ZDHHC2: variants seen among roughly 807,000 people sequenced by gnomAD.
ZDHHC2 encodes zDHHC palmitoyltransferase 2, also known as palmitoyltransferase ZDHHC2.
In ZDHHC2, 51 loss-of-function variants were observed where a neutral mutation model predicts 55.6. That is an observed-to-expected ratio of 0.92 (90% CI 0.73 to 1.16). The LOEUF is 1.16. ZDHHC2 is among the 50% of genes most tolerant of loss of function. ZDHHC2 has a pLI of 0.00. For synonymous variants in ZDHHC2, 199 were observed against 152.9 expected (o/e 1.30, Z -2.22); for missense variants, 491 against 442.4 (o/e 1.11, Z -0.99).
intron 6 of ZDHHC2, among the ~76,000 whole-genome samples, chr8:17,199,562 T>TTTG (rs1806577879): frequency 5.0e-5 from 4 of 80,680 alleles, no homozygotes; most frequent in Non-Finnish European, 1.0e-4. Context: ...CGTCTTCGTC[T>TTTG]TCTTCGTCTT....
At position 17,159,348 on chromosome 8, in the gene ZDHHC2, G is replaced by A. The variant is rs145205564; in HGVS notation, c.130+2495G>A. On this transcript the variant is annotated intron_variant, in intron 1 of 12. Transcript: ENST00000262096. ...GCCAAGGTTGGGACCAGAGTGTGGG[G>A]GTCGAGGGCTGGGAACTGGATCAGG... is the stretch of plus-strand genomic sequence containing the variant. Among the ~76,000 whole-genome samples, 1,238 of 152,272 alleles carry A rather than the reference G, an allele frequency of 8.1e-3. 15 individuals are homozygous for A. Among genetic ancestry groups the A allele is most frequent in the African/African-American group, 0.029 (1,208 of 41,548 alleles).
intron 6 of ZDHHC2, among the ~76,000 whole-genome samples, chr8:17,199,493 C>A (rs1231000116): frequency 5.4e-5 from 2 of 37,348 alleles, no homozygotes; most frequent in East Asian, 1.1e-3. Flanking sequence ...TCTTCTTCTT[C>A]TTCTTCTTCT....
At chr8:17,213,363 A>G (rs1050920182) in intron 10 of ZDHHC2, among the ~76,000 whole-genome samples, 4 of 150,978 alleles carry the variant, frequency 2.6e-5, no homozygotes, top group South Asian at 2.1e-4. Context: ...AAGCAATTCT[A>G]TTGCCTCAGC....
chr8:17,187,312 C>G (rs1481570518), intron 3 of ZDHHC2, among the ~76,000 whole-genome samples: 1 of 152,064 alleles, frequency 6.6e-6, no homozygotes, highest in Admixed American at 6.6e-5. Flanking sequence ...AGAATTGTGT[C>G]TCACTCATTT....
Position 17,217,261 on chromosome 8 carries a change from C to T in ZDHHC2, c.*34+15C>T. 1.3e-6 allele frequency: 2 copies of T among 1,543,790 alleles called. No homozygotes were observed. Among genetic ancestry groups the T allele is most frequent in the African/African-American group, 1.4e-5 (1 of 72,180 alleles). ...ACTTTATAAAAGTACGATAATTTTC[C>T]CTTTATTGTTTTATATTTTTAACAG... is the stretch of plus-strand genomic sequence containing the variant. On this transcript the variant is annotated intron_variant, in intron 12 of 12. Coordinates refer to ENST00000262096, the MANE Select transcript of ZDHHC2 (RefSeq NM_016353.5).
At chr8:17,162,993 C>T (rs1804422901) in intron 1 of ZDHHC2, 1 of 152,252 alleles carries the variant, frequency 6.6e-6, no homozygotes. Flanking sequence ...TTTGCCTCTG[C>T]TATGAAGTAA....
Position 17,195,634 on chromosome 8 carries a change from G to A in ZDHHC2, c.373+10G>A. The A allele has an allele frequency of 8.7e-6, 14 of 1,613,590 alleles. No individual in the cohort carries two copies. Among genetic ancestry groups the A allele is most frequent in the Non-Finnish European group, 1.1e-5 (13 of 1,179,636 alleles). On this transcript the variant is annotated intron_variant, in intron 4 of 12. Coordinates refer to ENST00000262096, the MANE Select transcript of ZDHHC2 (RefSeq NM_016353.5). The stretch of plus-strand genomic sequence containing the variant: ...AGGACCATGTCTGGAGGTAAATGTT[G>A]ATAATGAGTGCTTTGCAATGGTATG...
Position 17,186,469 on chromosome 8 carries a change from A to G in ZDHHC2, c.252+44A>G, listed in dbSNP as rs1421482486. The G allele has an allele frequency of 5.1e-6, 6 of 1,172,038 alleles. No individual in the cohort carries two copies. In the African/African-American group the frequency reaches 6.5e-5, roughly 13 times the overall value. The allele number at this position is 1,172,038 out of a possible 1,614,324, so 72.6% of individuals were successfully genotyped here. A position where few individuals can be genotyped will look rare whatever the true frequency, so the allele number is the denominator to read the frequency against. On this transcript the variant is annotated intron_variant, in intron 3 of 12. Coordinates refer to ENST00000262096, the MANE Select transcript of ZDHHC2 (RefSeq NM_016353.5). Reference sequence around the variant, plus strand: ...GAAATTATTCTAATAATAGAAATCAATAATACTGATGTATTATTGAAGAAC... The same window carrying G: ...GAAATTATTCTAATAATAGAAATCAGTAATACTGATGTATTATTGAAGAAC...
intron 6 of ZDHHC2, among the ~76,000 whole-genome samples, chr8:17,204,362 A>T (rs1052828053): frequency 1.3e-5 from 2 of 152,212 alleles, no homozygotes; most frequent in African/African-American, 4.8e-5. Flanking sequence ...AGGAAACAAT[A>T]TGTGTATGTT....
chr8:17,198,338 A>C, intron 5 of ZDHHC2, 43 bp from the exon 6 acceptor site: 5 of 1,538,682 alleles, frequency 3.2e-6, no homozygotes, highest in Non-Finnish European at 4.4e-6. Flanking sequence ...TATGATTAAA[A>C]TTTCATGGGG....
chr8:17,198,348 G>A (rs776859710), intron 5 of ZDHHC2, 33 bp from the exon 6 acceptor site: 7 of 1,581,842 alleles, frequency 4.4e-6, no homozygotes, highest in East Asian at 2.3e-5. Context: ...ATTTCATGGG[G>A]TATTAGGTTT....
chr8:17,198,204 T>A (rs1203642809), intron 5 of ZDHHC2, among the ~76,000 whole-genome samples, 177 bp from the exon 6 acceptor site: 3 of 152,220 alleles, frequency 2.0e-5, no homozygotes, highest in Non-Finnish European at 4.4e-5. Flanking sequence ...AAGAATTGGC[T>A]ATAGGGTTTA....
chr8:17,164,510 A>C (rs1804508706), intron 1 of ZDHHC2, among the ~76,000 whole-genome samples: 1 of 152,162 alleles, frequency 6.6e-6, no homozygotes, highest in African/African-American at 2.4e-5. Context: ...TACTTAAATT[A>C]ATTAGACCTT....
chr8:17,197,551 TCTAAGA>T (rs760695879), intron 4 of ZDHHC2, 25 bp from the exon 5 acceptor site: 392 of 1,600,580 alleles, frequency 2.4e-4, no homozygotes, highest in Non-Finnish European at 3.2e-4. Context: ...CAGTGTTAAC[TCTAAGA>T]CTAAGTGGAG....
At chr8:17,184,161 C>T (rs1805582483) in intron 1 of ZDHHC2, among the ~76,000 whole-genome samples, 3 of 150,714 alleles carry the variant, frequency 2.0e-5, no homozygotes, top group East Asian at 2.0e-4. Context: ...AACTTCTTGC[C>T]GCAGCTTGCT....
chr8:17,195,384 C>T (rs190435417), intron 3 of ZDHHC2, 120 bp from the exon 4 acceptor site: 4 of 1,182,628 alleles, frequency 3.4e-6, no homozygotes, highest in Admixed American at 2.7e-5. Flanking sequence ...TCTATTGTCT[C>T]TTTGAATGTA....
intron 1 of ZDHHC2, among the ~76,000 whole-genome samples, chr8:17,184,273 CG>C (rs1360830520): frequency 6.6e-6 from 1 of 152,120 alleles, no homozygotes; most frequent in Non-Finnish European, 1.5e-5. Context: ...CCTGGCCTTT[CG>C]TTGTGCAACA....
chr8:17,173,476 G>C (rs1448979093), intron 1 of ZDHHC2, among the ~76,000 whole-genome samples: 1 of 151,956 alleles, frequency 6.6e-6, no homozygotes, highest in Non-Finnish European at 1.5e-5. Flanking sequence ...AGGAGTTCAA[G>C]AACAGCCTGG....
intron 1 of ZDHHC2, among the ~76,000 whole-genome samples, chr8:17,168,560 C>T (rs1804713129): frequency 6.6e-6 from 1 of 152,090 alleles, no homozygotes; most frequent in African/African-American, 2.4e-5. Context: ...TAAGTACATT[C>T]AAAATGCTGT....
Sources: gnomAD v4.1 joint callset for allele counts (sites outside exome capture counted in the v4.1 genomes callset) on GRCh38, gnomAD v4.1.1 for gene constraint, MANE v1.5 for transcripts, NCBI Gene and HGNC (gene_info 2026-07-23, HGNC 2026-07-21) for gene names.